Variants in LYPLA1 observed in about 807,000 individuals in gnomAD.
LYPLA1 encodes the protein lysophospholipase 1, also known as acyl-protein thioesterase 1.
A neutral mutation model predicts 34.0 loss-of-function variants in LYPLA1; 17 were observed. The observed-to-expected ratio is 0.50, with a 90% CI of 0.34 to 0.75. The LOEUF is 0.75. Ranked by LOEUF, LYPLA1 falls within the 30% of genes least tolerant of loss-of-function variation. The pLI is 0.01. For missense variants in LYPLA1, 203 were observed against 288.8 expected (o/e 0.70, Z 2.15); for synonymous variants, 98 against 100.8 (o/e 0.97, Z 0.17).
Position 54,068,019 on chromosome 8 carries a change from C to G in LYPLA1, c.102-2206G>C, listed in dbSNP as rs796361682. On this transcript the variant is annotated intron_variant, in intron 2 of 8. Transcript: ENST00000316963. Reference sequence around the variant, plus strand: ...AAATACTTTTCTATTAACTATTTTTCTATTTCAACCCACTTCCCCCAAAGT... The same window carrying G: ...AAATACTTTTCTATTAACTATTTTTGTATTTCAACCCACTTCCCCCAAAGT... Among the ~76,000 whole-genome samples, 10 of 152,174 alleles carry G rather than the reference C, an allele frequency of 6.6e-5. 1 individual carries two copies. The highest frequency in any genetic ancestry group is 2.4e-4 in the African/African-American group (10 of 41,528).
At chr8:54,062,414 A>T in intron 4 of LYPLA1, 90 bp from the exon 5 acceptor site, 1 of 539,240 alleles carries the variant, frequency 1.9e-6, no homozygotes, top group Non-Finnish European at 3.1e-6. Context: ...CTTGGATTAA[A>T]AGGCTAACCA....
At chr8:54,069,013 A>C (rs146687940) in intron 2 of LYPLA1, among the ~76,000 whole-genome samples, 273 of 152,350 alleles carry the variant, frequency 1.8e-3, no homozygotes, top group Admixed American at 2.7e-3. Flanking sequence ...ACTTGATGAG[A>C]TGTTTGTCCA....
chr8:54,044,370 T>C (rs1335444805), downstream of LYPLA1, among the ~76,000 whole-genome samples: 1 of 152,188 alleles, frequency 6.6e-6, no homozygotes, highest in African/African-American at 2.4e-5. Flanking sequence ...TTCTTCCAGG[T>C]GCCTGAGAGT....
chr8:54,086,811 C>T (rs138247312), intron 2 of LYPLA1, among the ~76,000 whole-genome samples: 1 of 152,258 alleles, frequency 6.6e-6, no homozygotes, highest in East Asian at 1.9e-4. Flanking sequence ...GTTCACTCCA[C>T]TGCACTCTAG....
At chr8:54,083,015 C>T (rs569520470) in intron 2 of LYPLA1, among the ~76,000 whole-genome samples, 178 of 152,272 alleles carry the variant, frequency 1.2e-3, no homozygotes, top group Non-Finnish European at 2.1e-3. Flanking sequence ...CATGAGCCAC[C>T]GCACCCGGTC....
At chr8:54,044,603 G>T (rs895861054), downstream of LYPLA1, among the ~76,000 whole-genome samples, 1 of 151,922 alleles carries the variant, frequency 6.6e-6, no homozygotes, top group South Asian at 2.1e-4. Flanking sequence ...GAAGGGGCCA[G>T]ATTTTTTTTT....
chr8:54,074,501 A>G (rs1214589618), intron 2 of LYPLA1, among the ~76,000 whole-genome samples: 1 of 152,232 alleles, frequency 6.6e-6, no homozygotes, highest in Non-Finnish European at 1.5e-5. Context: ...CATCCTTTTT[A>G]CATCACCCAC....
chr8:54,065,314 TG>T (rs1189029647), intron 3 of LYPLA1, among the ~76,000 whole-genome samples: 2 of 151,964 alleles, frequency 1.3e-5, no homozygotes, highest in Non-Finnish European at 2.9e-5. Context: ...AAAAATTAGC[TG>T]GGCGTGGTGG....
rs760674553 is a variant in LYPLA1, at chr8:54,095,538, ATTATT to A, written c.101+5365_101+5369del. Among the ~76,000 whole-genome samples the A allele has an allele frequency of 2.0e-3, 302 of 152,280 alleles. 1 individual carries two copies. The highest frequency in any genetic ancestry group is 2.7e-3 in the Admixed American group (42 of 15,300). On this transcript the variant is annotated intron_variant, in intron 2 of 8. Coordinates refer to ENST00000316963, the MANE Select transcript of LYPLA1 (RefSeq NM_006330.4). ...TTTAAATATTTCATATGTTATATTTATTATTTTAATGTGGAGAAACCTGGCAGACA... is the reference window on the plus strand; with the variant it reads ...TTTAAATATTTCATATGTTATATTTATTAATGTGGAGAAACCTGGCAGACA...
At chr8:54,071,581 A>G (rs982840463) in intron 2 of LYPLA1, among the ~76,000 whole-genome samples, 2 of 152,246 alleles carry the variant, frequency 1.3e-5, no homozygotes, top group African/African-American at 4.8e-5. Flanking sequence ...TGACAGCGAT[A>G]TGAGATTTTT....
rs147488464 is a variant in LYPLA1 at position 54,051,179 on chromosome 8, C to T, written c.472G>A (p.Gly158Ser). Residue 158 changes from glycine (G) to serine (S), a missense_variant, in exon 8 of 9, where the codon GGT (glycine) becomes AGT (serine). Coordinates refer to ENST00000316963, the MANE Select transcript of LYPLA1 (RefSeq NM_006330.4). ...LRASFPQGPI[G>S]GANRDISILQ... ...ATAGAAATATCTCTATTAGCACCAC[C>T]GATAGGACCCTGCAAAAAGCAAAAG... 980 of 1,596,566 alleles carry T rather than the reference C, an allele frequency of 6.1e-4. No individual in the cohort carries two copies. Among genetic ancestry groups the T allele is most frequent in the Non-Finnish European group, 7.7e-4 (903 of 1,171,228 alleles).
intron 2 of LYPLA1, among the ~76,000 whole-genome samples, chr8:54,080,078 A>C (rs1379568841): frequency 6.6e-6 from 1 of 152,146 alleles, no homozygotes; most frequent in East Asian, 1.9e-4. Flanking sequence ...CACTTAAAAA[A>C]AATCACACTT....
chr8:54,048,503 G>A (rs756208740), intron 8 of LYPLA1, among the ~76,000 whole-genome samples: 5 of 152,108 alleles, frequency 3.3e-5, no homozygotes, highest in East Asian at 1.9e-4. Flanking sequence ...TGAATTATGC[G>A]CTAAATCCAT....
At chr8:54,080,874 C>T (rs1330857978) in intron 2 of LYPLA1, among the ~76,000 whole-genome samples, 1 of 152,222 alleles carries the variant, frequency 6.6e-6, no homozygotes, top group Non-Finnish European at 1.5e-5. Flanking sequence ...AGGCGTAAGC[C>T]ACTGTGCCTG....
chr8:54,073,102 C>T, intron 2 of LYPLA1: 1 of 667,458 alleles, frequency 1.5e-6, no homozygotes, highest in Non-Finnish European at 2.8e-6. Flanking sequence ...AGGGTTGGGC[C>T]ATCAGGAACT....
At chr8:54,081,865 G>A (rs1246818494) in intron 2 of LYPLA1, among the ~76,000 whole-genome samples, 4 of 151,928 alleles carry the variant, frequency 2.6e-5, no homozygotes, top group African/African-American at 4.8e-5. Flanking sequence ...AAGTAGCTGC[G>A]ATTACAGGCA....
intron 2 of LYPLA1, among the ~76,000 whole-genome samples, chr8:54,093,034 A>G (rs1438054597): frequency 6.6e-6 from 1 of 152,180 alleles, no homozygotes; most frequent in Non-Finnish European, 1.5e-5. Context: ...CCAACTAACT[A>G]GACAAGAAAA....
intron 2 of LYPLA1, among the ~76,000 whole-genome samples, chr8:54,086,547 A>G (rs1038998178): frequency 2.8e-5 from 4 of 142,290 alleles, no homozygotes; most frequent in African/African-American, 1.1e-4. Flanking sequence ...ATCAAAACCA[A>G]AGGGTACCAA....
intron 2 of LYPLA1, among the ~76,000 whole-genome samples, chr8:54,085,350 C>T (rs1448012406): frequency 2.6e-5 from 4 of 152,242 alleles, no homozygotes; most frequent in South Asian, 2.1e-4. Flanking sequence ...CTCCACCTCC[C>T]AGCTGCCTGC....
Sources: allele counts gnomAD v4.1 joint callset (sites outside exome capture counted in the v4.1 genomes callset), GRCh38; gene constraint gnomAD v4.1.1; transcripts MANE v1.5; gene names NCBI Gene and HGNC (gene_info 2026-07-23, HGNC 2026-07-21).